Variants in THOC2 observed in about 807,000 individuals in gnomAD.
THOC2 encodes the protein THO complex 2.
In THOC2, 10 loss-of-function variants were observed where a neutral mutation model predicts 128.4. The ratio of observed to expected loss-of-function variants is 0.08; its 90% CI spans 0.05 to 0.13. The LOEUF (loss-of-function observed/expected upper bound fraction) is 0.13. Among genes scored for constraint, THOC2 ranks in the 10% least tolerant of loss-of-function variants. The probability of loss-of-function intolerance (pLI) is 1.00; values close to 1 mark genes in which losing one functional copy is unlikely to be tolerated. For missense variants in THOC2, 535 were observed against 1,155.7 expected, an observed-to-expected ratio of 0.46 and a Z score of 7.79; for synonymous variants, 393 against 396.9, an observed-to-expected ratio of 0.99 and a Z score of 0.12.
chrX:123,618,837 G>A (rs762934256), intron 33 of THOC2, among the ~76,000 whole-genome samples: 2 of 111,511 alleles, frequency 1.8e-5, no homozygotes, highest in African/African-American at 6.5e-5. Context: ...CAACCACCGA[G>A]TATTCCTGTC....
In THOC2 at chrX:123,633,046, C is replaced by T. The variant is rs1569347858; in HGVS notation, c.2137-6G>A. ...ATCTGACCAAAATAACCACCCTGCACAAGGGAAGACACAAATTTACCAGTG... is the reference window on the plus strand; with the variant it reads ...ATCTGACCAAAATAACCACCCTGCATAAGGGAAGACACAAATTTACCAGTG... On this transcript the variant is annotated splice_polypyrimidine_tract_variant and splice_region_variant and intron_variant, in intron 20 of 38. Transcript: ENST00000245838. 1 of 1,192,781 alleles carries T rather than the reference C, an allele frequency of 8.4e-7. No homozygotes were observed. The highest frequency in any genetic ancestry group is 3.0e-5 in the East Asian group (1 of 33,714).
chrX:123,624,088 A>G lies in THOC2; in HGVS notation c.3290T>C (p.Val1097Ala). The G allele has an allele frequency of 8.3e-7, 1 of 1,198,636 alleles. No individual in the cohort carries two copies. Residue 1097 changes from valine (V) to alanine (A), a missense_variant, in exon 27 of 39, where the codon GTA becomes GCA. This residue lies in a region of THOC2 where 20 missense variants were observed against 67.0 expected (regional missense o/e 0.30). Transcript: ENST00000245838. ...QLDYENFRHV[V>A]HKWHYKLTKA... The stretch of plus-strand genomic sequence containing the variant: ...GGTTAGTTTGTAATGCCATTTATGT[A>G]CAACATGTCGAAAATTTTCATAGTC...
chrX:123,723,180 TCAAA>T (rs2051783387), intron 1 of THOC2, among the ~76,000 whole-genome samples: 1 of 109,806 alleles, frequency 9.1e-6, no homozygotes, highest in Non-Finnish European at 1.9e-5. Flanking sequence ...AGACTCTGTC[TCAAA>T]CAAACAAAAA....
At chrX:123,642,846 G>T (rs1408877019) in intron 15 of THOC2, among the ~76,000 whole-genome samples, 1 of 111,032 alleles carries the variant, frequency 9.0e-6, no homozygotes, top group Non-Finnish European at 1.9e-5. Flanking sequence ...TTTTCCTTGA[G>T]GGGAAGAACT....
At chrX:123,659,465 G>T (rs2048741507) in intron 12 of THOC2, among the ~76,000 whole-genome samples, 1 of 112,459 alleles carries the variant, frequency 8.9e-6, no homozygotes. Context: ...CAGCTACTTG[G>T]GAGGCTGAGG....
In THOC2 at chrX:123,646,933, G is replaced by A. The variant is rs184624531; in HGVS notation, c.1387-1558C>T. ...TTATGTCGGGGAAAAAGACAGTTAA[G>A]CTCCTCCTTTCCTGGTATACTATAA... On this transcript the variant is annotated intron_variant, in intron 12 of 38. Transcript: ENST00000245838. Among the ~76,000 whole-genome samples the A allele has an allele frequency of 9.0e-5, 10 of 111,548 alleles. No homozygotes were observed. In the Admixed American group the frequency reaches 9.5e-4, roughly 11 times the overall value.
chrX:123,606,911 T>C (rs2147516470), intron 38 of THOC2, among the ~76,000 whole-genome samples: 1 of 111,750 alleles, frequency 8.9e-6, no homozygotes, highest in Non-Finnish European at 1.9e-5. Flanking sequence ...GGAGCAAATG[T>C]CAGCTTAGCA....
chrX:123,732,864 T>TC, intron 1 of THOC2, 88 bp downstream of exon 1: 1 of 985,629 alleles, frequency 1.0e-6, no homozygotes, highest in Non-Finnish European at 1.4e-6. Flanking sequence ...GGTACATCTT[T>TC]CCCCCTCAAC....
chrX:123,660,775 G>A (rs942138091), intron 12 of THOC2, among the ~76,000 whole-genome samples: 1 of 111,941 alleles, frequency 8.9e-6, no homozygotes, highest in Non-Finnish European at 1.9e-5. Context: ...GGGTACCTGT[G>A]ATAATTTGTT....
At chrX:123,692,494 C>CTTTTTTT (rs984272905) in intron 7 of THOC2, among the ~76,000 whole-genome samples, 5 of 56,912 alleles carry the variant, frequency 8.8e-5, no homozygotes, top group Non-Finnish European at 1.2e-4. Flanking sequence ...AAATAACTGC[C>CTTTTTTT]TTTTTTTTTT....
At chrX:123,674,042 TGAG>T (rs780599698) in intron 8 of THOC2, among the ~76,000 whole-genome samples, 3 of 112,238 alleles carry the variant, frequency 2.7e-5, no homozygotes, top group Non-Finnish European at 5.6e-5. Flanking sequence ...CCATGTGCTT[TGAG>T]AAGAATGTAG....
intron 12 of THOC2, among the ~76,000 whole-genome samples, chrX:123,646,914 C>T (rs1376820794): frequency 9.0e-6 from 1 of 111,202 alleles, no homozygotes; most frequent in Non-Finnish European, 1.9e-5. Flanking sequence ...TATATTATGT[C>T]GGGGAAAAAG....
chrX:123,643,192 T>TA (rs1438103870), intron 15 of THOC2, among the ~76,000 whole-genome samples: 1 of 108,413 alleles, frequency 9.2e-6, no homozygotes, highest in East Asian at 2.9e-4. Context: ...AAGGAGAGAG[T>TA]GGTACATTTA....
chrX:123,689,069 T>C (rs1179156844), intron 7 of THOC2, among the ~76,000 whole-genome samples: 2 of 112,467 alleles, frequency 1.8e-5, no homozygotes, highest in Non-Finnish European at 3.8e-5. Context: ...AACAGCAACA[T>C]GTTAGATTAA....
chrX:123,723,094 G>A (rs998122177), intron 1 of THOC2, among the ~76,000 whole-genome samples: 5 of 110,376 alleles, frequency 4.5e-5, no homozygotes, highest in Admixed American at 9.7e-5. Flanking sequence ...CACAAGAATC[G>A]CTTGAACTCG....
At chrX:123,693,465 C>CA (rs1385530713) in intron 7 of THOC2, among the ~76,000 whole-genome samples, 1 of 111,198 alleles carries the variant, frequency 9.0e-6, no homozygotes, top group African/African-American at 3.3e-5. Flanking sequence ...GACTCTGTCT[C>CA]AAAAAAATAA....
At chrX:123,701,652 A>C (rs956620250) in intron 4 of THOC2, among the ~76,000 whole-genome samples, 1 of 109,742 alleles carries the variant, frequency 9.1e-6, no homozygotes, top group Non-Finnish European at 1.9e-5. Context: ...TATAGTAAAA[A>C]TATTTTTAAC....
At chrX:123,621,769 G>A (rs555434257) in intron 30 of THOC2, among the ~76,000 whole-genome samples, 182 bp from the exon 31 acceptor site, 101 of 112,447 alleles carry the variant, frequency 9.0e-4, no homozygotes, top group Middle Eastern at 4.7e-3. Context: ...ATGGTCGGGT[G>A]CAGTGGCTCA....
chrX:123,687,984 T>C (rs867831976), intron 7 of THOC2, among the ~76,000 whole-genome samples: 3 of 112,187 alleles, frequency 2.7e-5, no homozygotes, highest in Non-Finnish European at 3.8e-5. Context: ...ATAAAAGTGA[T>C]TCGAAAATAG....
Sources: allele counts gnomAD v4.1 joint callset (sites outside exome capture counted in the v4.1 genomes callset), GRCh38; gene constraint gnomAD v4.1.1; regional missense constraint gnomAD v4.1.1; transcripts MANE v1.5; gene names NCBI Gene and HGNC (gene_info 2026-07-23, HGNC 2026-07-21).